Variants in RAB3GAP2 observed in about 807,000 individuals in gnomAD.
RAB3GAP2 encodes RAB3 GTPase activating non-catalytic protein subunit 2, also known as rab3 GTPase-activating protein non-catalytic subunit.
A neutral mutation model predicts 185.3 loss-of-function variants in RAB3GAP2; 87 were observed. That is an observed-to-expected ratio of 0.47 (90% CI 0.39 to 0.56). RAB3GAP2 has a LOEUF of 0.56. Ranked by LOEUF, RAB3GAP2 falls within the 20% of genes least tolerant of loss-of-function variation. RAB3GAP2 has a pLI of 0.00. For missense variants in RAB3GAP2, 1,492 were observed against 1,638.2 expected (o/e 0.91, Z 1.54); for synonymous variants, 554 against 576.1 (o/e 0.96, Z 0.55).
chr1:220,170,357 G>A (rs1448995886), intron 24 of RAB3GAP2, among the ~76,000 whole-genome samples: 2 of 151,788 alleles, frequency 1.3e-5, no homozygotes, highest in South Asian at 2.1e-4. Flanking sequence ...CATGGCACGT[G>A]TATACCTATG....
At chr1:220,254,095 A>T in intron 1 of RAB3GAP2, 1 of 1,613,920 alleles carries the variant, frequency 6.2e-7, no homozygotes, top group Non-Finnish European at 8.5e-7. Flanking sequence ...GGACTTAATT[A>T]CCAGGCAAAA....
intron 28 of RAB3GAP2, 100 bp from the exon 29 acceptor site, chr1:220,159,521 A>T: frequency 1.1e-6 from 1 of 887,694 alleles, no homozygotes; most frequent in Non-Finnish European, 1.8e-6. Flanking sequence ...AAAAACCGTA[A>T]ATGGCGCTAT....
At chr1:220,249,188 GAACTTTCT>G (rs1228851621) in intron 1 of RAB3GAP2, among the ~76,000 whole-genome samples, 1 of 152,162 alleles carries the variant, frequency 6.6e-6, no homozygotes, top group Non-Finnish European at 1.5e-5. Context: ...GGAAAGTTTG[GAACTTTCT>G]AGAGACTTGG....
chr1:220,207,848 CAGG>C (rs1658998146), intron 7 of RAB3GAP2: 1 of 152,198 alleles, frequency 6.6e-6, no homozygotes, highest in East Asian at 1.9e-4. Context: ...TTTGAAATTC[CAGG>C]AGATTTTTCC....
intron 28 of RAB3GAP2, among the ~76,000 whole-genome samples, chr1:220,160,147 A>G (rs887160083): frequency 3.9e-5 from 6 of 152,240 alleles, no homozygotes; most frequent in Non-Finnish European, 5.9e-5. Flanking sequence ...AAACCACTCT[A>G]AAGCACATGG....
intron 1 of RAB3GAP2, among the ~76,000 whole-genome samples, chr1:220,261,498 C>G (rs902756048): frequency 4.6e-5 from 7 of 152,224 alleles, no homozygotes; most frequent in Admixed American, 3.3e-4. Context: ...TTACCCATCA[C>G]TCCCATCCAT....
At chr1:220,253,805 C>T in intron 1 of RAB3GAP2, 1 of 1,612,018 alleles carries the variant, frequency 6.2e-7, no homozygotes. Flanking sequence ...CTTCAAAAAG[C>T]CAATCAGGAG....
Position 220,182,783 on chromosome 1 carries a change from T to TGAA in RAB3GAP2, c.2146_2147insTTC (p.Tyr716delinsPheHis). On this transcript the variant is annotated protein_altering_variant, in exon 20 of 35. Transcript: ENST00000358951. The stretch of plus-strand genomic sequence containing the variant: ...GAGCACATCCTTTTCATATTCTAAA[T>TGAA]ATTCCAAGAATGTTTTTACAGGCAA... 6.2e-7 allele frequency: 1 copy of TGAA among 1,613,048 alleles called. No individual in the cohort carries two copies. The highest frequency in any genetic ancestry group is 8.5e-7 in the Non-Finnish European group (1 of 1,179,758).
chr1:220,268,340 C>A lies in RAB3GAP2; in HGVS notation c.115+3883G>T, dbSNP rs986768356. On this transcript the variant is annotated intron_variant, in intron 1 of 34. Coordinates refer to ENST00000358951, the MANE Select transcript of RAB3GAP2 (RefSeq NM_012414.4). ...ACATTAGCCTATAGTTGGGCAAAAT[C>A]TTCTAACACAAAGTCTATTTTATCA... Among the ~76,000 whole-genome samples the A allele has an allele frequency of 3.9e-5, 6 of 152,292 alleles. No individual in the cohort carries two copies. In the South Asian group the frequency reaches 1.0e-3, roughly 26 times the overall value.
intron 22 of RAB3GAP2, 23 bp downstream of exon 22, chr1:220,172,614 C>A: frequency 3.3e-6 from 5 of 1,502,516 alleles, no homozygotes; most frequent in Non-Finnish European, 4.6e-6. Context: ...ACTTTGTTGA[C>A]GAGAGCAACA....
At chr1:220,213,830 G>A (rs779443440) in intron 3 of RAB3GAP2, 26 bp downstream of exon 3, 2 of 1,603,978 alleles carry the variant, frequency 1.2e-6, no homozygotes, top group South Asian at 1.1e-5. Flanking sequence ...CAAAATAAAG[G>A]TCGCTGAAAA....
intron 29 of RAB3GAP2, 145 bp downstream of exon 29, chr1:220,159,241 G>A (rs1657916516): frequency 1.4e-6 from 1 of 690,874 alleles, no homozygotes; most frequent in African/African-American, 1.8e-5. Context: ...TTTCCTTAAT[G>A]CAGTATTCTC....
At chr1:220,188,449 T>C (rs1658545793) in intron 17 of RAB3GAP2, among the ~76,000 whole-genome samples, 1 of 152,088 alleles carries the variant, frequency 6.6e-6, no homozygotes, top group South Asian at 2.1e-4. Flanking sequence ...TGAATAGCAT[T>C]ATGAGGGGTT....
chr1:220,229,948 G>A (rs961357765), intron 2 of RAB3GAP2, among the ~76,000 whole-genome samples: 6 of 152,082 alleles, frequency 3.9e-5, no homozygotes, highest in Non-Finnish European at 5.9e-5. Flanking sequence ...CTACCAAATA[G>A]CACATGTAAG....
At chr1:220,224,903 G>A (rs1225889293) in intron 2 of RAB3GAP2, among the ~76,000 whole-genome samples, 4 of 152,134 alleles carry the variant, frequency 2.6e-5, no homozygotes, top group East Asian at 1.9e-4. Flanking sequence ...AGGTATGGAT[G>A]GGGCTAAAAG....
rs117969302 is a variant in RAB3GAP2, at chr1:220,168,879, C to T, written c.2807-1204G>A. Among the ~76,000 whole-genome samples, 255 of 152,310 alleles carry T rather than the reference C, an allele frequency of 1.7e-3. 5 individuals are homozygous for T. The East Asian group carries it at 0.044, about 26-fold the overall frequency. ...TGTTTATTATCGAAAACAAATTATA[C>T]TCTATTGTTTACCAAAACTTTCTCA... is the stretch of plus-strand genomic sequence containing the variant. On this transcript the variant is annotated intron_variant, in intron 24 of 34. Transcript: ENST00000358951.
chr1:220,207,897 C>G (rs1453895621), intron 7 of RAB3GAP2: 1 of 152,182 alleles, frequency 6.6e-6, no homozygotes, highest in African/African-American at 2.4e-5. Context: ...GAATGACCTG[C>G]TGTCACCCGT....
rs768500629 is a variant in RAB3GAP2, at chr1:220,162,171, A to C, written c.3225+27T>G. ...GTCAAATAAGAGAATCAAATAAATA[A>C]GAAGTCAATACATGAAACTACCTTA... On this transcript the variant is annotated intron_variant, in intron 28 of 34. Transcript: ENST00000358951. 3 of 1,453,416 alleles carry C rather than the reference A, an allele frequency of 2.1e-6. No homozygotes were observed. In the East Asian group the frequency reaches 6.8e-5, roughly 33 times the overall value. The allele number at this position is 1,453,416 out of a possible 1,614,324, so 90.0% of individuals were successfully genotyped here. A position where few individuals can be genotyped will look rare whatever the true frequency, so the allele number is the denominator to read the frequency against.
Position 220,150,933 on chromosome 1 carries a change from CTAAAT to C in RAB3GAP2, c.*313_*317del. 3.2e-6 allele frequency: 1 copy of C among 308,824 alleles called. No individual in the cohort carries two copies. The highest frequency in any genetic ancestry group is 6.0e-6 in the Non-Finnish European group (1 of 166,444). 19.1% of individuals were successfully genotyped at this position (308,824 alleles called of 1,614,324 possible). On this transcript the variant is annotated 3_prime_UTR_variant, in exon 35 of 35. Transcript: ENST00000358951. The stretch of plus-strand genomic sequence containing the variant: ...ATATAGAATCTTATAAGAACATAAT[CTAAAT>C]TATAACCAATTTTAAATAGCAAAGT...
Sources: allele counts gnomAD v4.1 joint callset (sites outside exome capture counted in the v4.1 genomes callset), GRCh38; gene constraint gnomAD v4.1.1; transcripts MANE v1.5; gene names NCBI Gene and HGNC (gene_info 2026-07-23, HGNC 2026-07-21).